The following TNS1 variants were observed in gnomAD, a reference collection of about 807,000 sequenced individuals.
TNS1 encodes the protein tensin 1.
Under a neutral mutation model 168.6 loss-of-function variants are expected in TNS1, and 62 were observed. The observed-to-expected ratio is 0.37, with a 90% CI of 0.30 to 0.45. The LOEUF (loss-of-function observed/expected upper bound fraction) is 0.45, where lower values mean the gene tolerates loss of function less well. TNS1 is among the 20% of genes least tolerant of loss of function. The probability of loss-of-function intolerance (pLI) is 1.00; values close to 1 mark genes in which losing one functional copy is unlikely to be tolerated. For synonymous variants in TNS1, 934 were observed against 933.2 expected (o/e 1.00, Z -0.02); for missense variants, 2,240 against 2,339.4 (o/e 0.96, Z 0.88).
chr2:217,869,485 G>A (rs1233451563), intron 18 of TNS1, among the ~76,000 whole-genome samples: 1 of 152,174 alleles, frequency 6.6e-6, no homozygotes. Flanking sequence ...GAGCCTGAAG[G>A]CAAGAAGGCC....
intron 3 of TNS1, among the ~76,000 whole-genome samples, chr2:217,968,019 T>C (rs1251812404): frequency 6.6e-6 from 1 of 152,348 alleles, no homozygotes; most frequent in Non-Finnish European, 1.5e-5. Flanking sequence ...ATTGATGTAT[T>C]ATACTGTATC....
intron 13 of TNS1, 140 bp from the exon 14 acceptor site, chr2:217,886,244 GA>G: frequency 2.2e-6 from 2 of 898,220 alleles, no homozygotes; most frequent in African/African-American, 1.7e-5. Context: ...AGGAAAAGAG[GA>G]AAGAGTAAAA....
At chr2:217,891,075 G>A in intron 11 of TNS1, 30 bp from the exon 12 acceptor site, 1 of 1,611,304 alleles carries the variant, frequency 6.2e-7, no homozygotes, top group Non-Finnish European at 8.5e-7. Context: ...GTCAAAAGAG[G>A]CAACTCCTGC....
At chr2:217,850,474 G>A in intron 18 of TNS1, 2 of 985,186 alleles carry the variant, frequency 2.0e-6, no homozygotes, top group Non-Finnish European at 2.4e-6. Context: ...TGAGCGCTGG[G>A]TGGCTCGGGG....
At chr2:218,005,756 G>A (rs932775767), upstream of TNS1, among the ~76,000 whole-genome samples, 18 of 152,224 alleles carry the variant, frequency 1.2e-4, no homozygotes, top group Non-Finnish European at 2.1e-4. Context: ...TTTTCCTACT[G>A]TAAGCATTCA....
In TNS1 at chr2:217,804,256, T is replaced by TTCTCTCTCTCTC. The variant is rs71403015; in HGVS notation, c.*191_*202dup. ...GAATCCAAGTTCTTCTCCTCCATCT[T>TTCTCTCTCTCTC]TCTCTCTCTCTCTCTCTCTCTCTCT... is the stretch of plus-strand genomic sequence containing the variant. On this transcript the variant is annotated 3_prime_UTR_variant, in exon 33 of 33. Coordinates refer to ENST00000682258, the MANE Select transcript of TNS1 (RefSeq NM_001387777.1). 825 of 416,862 alleles carry TTCTCTCTCTCTC rather than the reference T, an allele frequency of 2.0e-3. 6 individuals are homozygous for TTCTCTCTCTCTC. Among genetic ancestry groups the TTCTCTCTCTCTC allele is most frequent in the African/African-American group, 5.6e-3 (246 of 44,266 alleles). 25.8% of individuals were successfully genotyped at this position (416,862 alleles called of 1,614,324 possible).
At chr2:217,829,212 C>T (rs1391231315) in intron 22 of TNS1, among the ~76,000 whole-genome samples, 1 of 70,480 alleles carries the variant, frequency 1.4e-5, no homozygotes, top group Non-Finnish European at 2.6e-5. Context: ...CCCATCTCTA[C>T]TAAAAATACA....
intron 1 of TNS1, among the ~76,000 whole-genome samples, chr2:218,030,500 G>C (rs1958883175): frequency 6.6e-6 from 1 of 152,224 alleles, no homozygotes; most frequent in Non-Finnish European, 1.5e-5. Context: ...TCTGCTTTCT[G>C]CCCTATCCCC....
chr2:217,825,098 G>A (rs1166933566), intron 22 of TNS1, among the ~76,000 whole-genome samples: 1 of 152,194 alleles, frequency 6.6e-6, no homozygotes, highest in Non-Finnish European at 1.5e-5. Flanking sequence ...ATGACACTGT[G>A]AAGGTGTGTG....
chr2:217,942,189 C>T (rs1956945176), intron 3 of TNS1, among the ~76,000 whole-genome samples: 1 of 152,184 alleles, frequency 6.6e-6, no homozygotes, highest in Admixed American at 6.5e-5. Flanking sequence ...AGGCCAGGCG[C>T]CTGGAAGCAG....
chr2:217,868,188 C>T (rs1949454006), intron 18 of TNS1, among the ~76,000 whole-genome samples: 1 of 152,210 alleles, frequency 6.6e-6, no homozygotes, highest in South Asian at 2.1e-4. Context: ...TTTTCCTTCT[C>T]TTCATCTTCT....
At chr2:217,906,832 G>C (rs1398996077) in intron 5 of TNS1, among the ~76,000 whole-genome samples, 1 of 152,134 alleles carries the variant, frequency 6.6e-6, no homozygotes, top group East Asian at 1.9e-4. Flanking sequence ...GCATAGCCTT[G>C]AGGAAACTGT....
chr2:217,991,275 G>A (rs115864404), intron 1 of TNS1, among the ~76,000 whole-genome samples: 2,514 of 152,174 alleles, frequency 0.017, 54 homozygotes, highest in African/African-American at 0.057. Flanking sequence ...GAGTCCAGAC[G>A]GCAGCTGGAG....
At chr2:217,954,244 A>C (rs769163581) in intron 3 of TNS1, among the ~76,000 whole-genome samples, 1 of 152,188 alleles carries the variant, frequency 6.6e-6, no homozygotes, top group Non-Finnish European at 1.5e-5. Context: ...GACCCTGCCC[A>C]GTCTCATGCC....
chr2:217,956,313 C>A (rs559459441), intron 3 of TNS1, among the ~76,000 whole-genome samples: 1 of 152,192 alleles, frequency 6.6e-6, no homozygotes, highest in African/African-American at 2.4e-5. Context: ...ACTCTTTGAA[C>A]TTTGGGCTAT....
intron 20 of TNS1, 128 bp from the exon 21 acceptor site, chr2:217,835,294 A>T: frequency 1.2e-6 from 1 of 830,860 alleles, no homozygotes; most frequent in Non-Finnish European, 1.9e-6. Context: ...CTGGCTCCTC[A>T]CTGGTGCTCA....
At chr2:217,830,741 C>T (rs1294722487) in intron 22 of TNS1, among the ~76,000 whole-genome samples, 1 of 152,232 alleles carries the variant, frequency 6.6e-6, no homozygotes, top group Admixed American at 6.5e-5. Context: ...AAGATGCAGC[C>T]AGCATCGGGA....
intron 3 of TNS1, among the ~76,000 whole-genome samples, chr2:217,944,761 G>C (rs368662248): frequency 6.6e-6 from 1 of 152,166 alleles, no homozygotes; most frequent in Non-Finnish European, 1.5e-5. Context: ...GCAGAAATGT[G>C]ATAAAGCAAA....
chr2:217,935,122 T>C (rs1213208716), intron 3 of TNS1, among the ~76,000 whole-genome samples: 6 of 152,166 alleles, frequency 3.9e-5, no homozygotes, highest in Admixed American at 2.0e-4. Flanking sequence ...AAGTTGACTC[T>C]GTCACCCTCC....
Sources: allele counts gnomAD v4.1 joint callset (sites outside exome capture counted in the v4.1 genomes callset), GRCh38; gene constraint gnomAD v4.1.1; transcripts MANE v1.5; gene names NCBI Gene and HGNC (gene_info 2026-07-23, HGNC 2026-07-21).